Variants in OSBPL1A observed in about 807,000 individuals in gnomAD.
OSBPL1A encodes oxysterol-binding protein-related protein 1.
Under a neutral mutation model 137.1 loss-of-function variants are expected in OSBPL1A, and 80 were observed. The observed-to-expected ratio is 0.58, with a 90% CI of 0.49 to 0.70. OSBPL1A has a LOEUF of 0.70. Among genes scored for constraint, OSBPL1A ranks in the 30% least tolerant of loss-of-function variants. The pLI, the probability that OSBPL1A is intolerant of heterozygous loss-of-function variation, is 0.00. For synonymous variants in OSBPL1A, 365 were observed against 389.7 expected, an observed-to-expected ratio of 0.94 and a Z score of 0.75; for missense variants, 970 against 1,129.4, an observed-to-expected ratio of 0.86 and a Z score of 2.02.
chr18:24,311,883 G>A (rs1399216421), intron 13 of OSBPL1A, 101 bp downstream of exon 13: 2 of 1,350,652 alleles, frequency 1.5e-6, no homozygotes, highest in African/African-American at 2.9e-5. Flanking sequence ...ATTGTTGTCA[G>A]AAATCATAAT....
chr18:24,367,982 G>T (rs1905280772), intron 3 of OSBPL1A: 1 of 199,190 alleles, frequency 5.0e-6, no homozygotes, highest in Non-Finnish European at 1.0e-5. Context: ...TTTAGGGTGT[G>T]CTTTGGTTAT....
chr18:24,176,474 AT>A (rs533631917), intron 21 of OSBPL1A, among the ~76,000 whole-genome samples: 1,669 of 142,358 alleles, frequency 0.012, 7 homozygotes, highest in African/African-American at 0.027. Context: ...AAATACTTCT[AT>A]TTTTTTTTTT....
chr18:24,169,512 T>C (rs2086224058), intron 24 of OSBPL1A, among the ~76,000 whole-genome samples: 1 of 152,244 alleles, frequency 6.6e-6, no homozygotes, highest in Non-Finnish European at 1.5e-5. Context: ...GCCCATTATG[T>C]TTGTTAACTC....
intron 13 of OSBPL1A, among the ~76,000 whole-genome samples, chr18:24,308,980 A>T (rs576179009): frequency 6.6e-5 from 10 of 152,288 alleles, no homozygotes; most frequent in African/African-American, 2.4e-4. Flanking sequence ...CATGTTGGCC[A>T]GGCTGTTCTC....
chr18:24,326,146 T>C (rs910687780), intron 7 of OSBPL1A, among the ~76,000 whole-genome samples: 2 of 152,228 alleles, frequency 1.3e-5, no homozygotes, highest in Non-Finnish European at 2.9e-5. Context: ...ACTAGACTTT[T>C]GAGTGAAAAA....
At chr18:24,295,363 G>A (rs754718360) in intron 14 of OSBPL1A, among the ~76,000 whole-genome samples, 1 of 152,134 alleles carries the variant, frequency 6.6e-6, no homozygotes, top group African/African-American at 2.4e-5. Flanking sequence ...TTCTCTGGTT[G>A]TCTATTTATT....
intron 1 of OSBPL1A, among the ~76,000 whole-genome samples, chr18:24,389,769 C>T (rs1171138435): frequency 6.6e-6 from 1 of 151,896 alleles, no homozygotes; most frequent in African/African-American, 2.4e-5. Flanking sequence ...AGCGAAACCC[C>T]ATCTTTACTA....
chr18:24,356,541 G>A (rs923155376), intron 4 of OSBPL1A, among the ~76,000 whole-genome samples: 5 of 152,070 alleles, frequency 3.3e-5, no homozygotes, highest in African/African-American at 1.2e-4. Context: ...CTCACGGTGC[G>A]GGTGCTGGTT....
intron 9 of OSBPL1A, among the ~76,000 whole-genome samples, chr18:24,318,012 T>A (rs2146121200): frequency 6.6e-6 from 1 of 152,268 alleles, no homozygotes. Flanking sequence ...GAAAAAAATG[T>A]ATTTTCCCCC....
chr18:24,178,293 T>C, intron 20 of OSBPL1A, 98 bp from the exon 21 acceptor site: 1 of 1,168,944 alleles, frequency 8.6e-7, no homozygotes, highest in Non-Finnish European at 1.2e-6. Flanking sequence ...AAGTAAACAA[T>C]TCTTTTGTTG....
intron 18 of OSBPL1A, among the ~76,000 whole-genome samples, chr18:24,183,412 G>A (rs1266476554): frequency 6.6e-6 from 1 of 151,410 alleles, no homozygotes; most frequent in South Asian, 2.1e-4. Flanking sequence ...TTCACACACA[G>A]AGAGATTTTT....
chr18:24,287,592 G>A (rs1050961799), intron 14 of OSBPL1A, among the ~76,000 whole-genome samples: 5 of 151,958 alleles, frequency 3.3e-5, no homozygotes, highest in Non-Finnish European at 5.9e-5. Context: ...GGCCAACATG[G>A]TGAAACCCTG....
intron 4 of OSBPL1A, among the ~76,000 whole-genome samples, chr18:24,345,418 G>A (rs1320950829): frequency 6.6e-6 from 1 of 152,196 alleles, no homozygotes; most frequent in African/African-American, 2.4e-5. Context: ...CAGGCACTGT[G>A]GCTCACGCCT....
At chr18:24,227,708 C>A (rs926755533) in intron 16 of OSBPL1A, among the ~76,000 whole-genome samples, 2 of 151,992 alleles carry the variant, frequency 1.3e-5, no homozygotes, top group Non-Finnish European at 2.9e-5. Flanking sequence ...GCGGCAGGAA[C>A]AAGACCTGCA....
intron 5 of OSBPL1A, 148 bp from the exon 6 acceptor site, chr18:24,334,478 A>G: frequency 1.9e-6 from 1 of 537,270 alleles, no homozygotes; most frequent in Non-Finnish European, 3.1e-6. Flanking sequence ...TTACCTTACA[A>G]TTCAGATTAC....
intron 14 of OSBPL1A, among the ~76,000 whole-genome samples, chr18:24,281,480 C>T (rs929996379): frequency 3.9e-5 from 6 of 151,900 alleles, no homozygotes; most frequent in Admixed American, 1.3e-4. Context: ...CTTCACCTCC[C>T]GGGTTCAAGA....
intron 7 of OSBPL1A, among the ~76,000 whole-genome samples, chr18:24,319,502 G>A (rs2090800795): frequency 6.6e-6 from 1 of 152,108 alleles, no homozygotes; most frequent in Non-Finnish European, 1.5e-5. Flanking sequence ...CACAATTTAG[G>A]ACAAAAGAAA....
chr18:24,197,986 C>G (rs1461382197), intron 17 of OSBPL1A, among the ~76,000 whole-genome samples: 1 of 151,936 alleles, frequency 6.6e-6, no homozygotes. Context: ...CGGGGTTTCA[C>G]CATGTTGGCC....
intron 2 of OSBPL1A, among the ~76,000 whole-genome samples, chr18:24,371,063 T>C (rs994221836): frequency 6.6e-6 from 1 of 152,182 alleles, no homozygotes; most frequent in African/African-American, 2.4e-5. Flanking sequence ...ACGTTTATCA[T>C]ATCCTGAAAA....
Sources: allele counts gnomAD v4.1 joint callset (sites outside exome capture counted in the v4.1 genomes callset), GRCh38; gene constraint gnomAD v4.1.1; transcripts MANE v1.5; gene names NCBI Gene and HGNC (gene_info 2026-07-23, HGNC 2026-07-21).